Variants in TJP3 observed in about 807,000 individuals in gnomAD.
TJP3 encodes tight junction protein ZO-3.
TJP3 carries 85 observed loss-of-function variants against 104.2 expected under a neutral mutation model. The ratio of observed to expected loss-of-function variants is 0.82; its 90% CI spans 0.68 to 0.98. TJP3 has a LOEUF of 0.98. TJP3 is among the 50% of genes least tolerant of loss of function. The pLI, the probability that TJP3 is intolerant of heterozygous loss-of-function variation, is 0.00. For synonymous variants in TJP3, 550 were observed against 550.6 expected, an observed-to-expected ratio of 1.00 and a Z score of 0.02; for missense variants, 1,367 against 1,322.8, an observed-to-expected ratio of 1.03 and a Z score of -0.52.
chr19:3,714,950 C>T (rs1392980018), intron 1 of TJP3, among the ~76,000 whole-genome samples: 5 of 152,202 alleles, frequency 3.3e-5, no homozygotes, highest in Non-Finnish European at 7.3e-5. Context: ...TGACTGAATG[C>T]ACAGAAGAAT....
At chr19:3,723,698 C>T (rs1363086662) in intron 1 of TJP3, among the ~76,000 whole-genome samples, 2 of 150,788 alleles carry the variant, frequency 1.3e-5, no homozygotes, top group Admixed American at 6.7e-5. Context: ...GAGGCTGAGG[C>T]ACGAGAATTG....
intron 1 of TJP3, among the ~76,000 whole-genome samples, chr19:3,712,534 C>T (rs914065571): frequency 5.9e-5 from 9 of 152,222 alleles, no homozygotes; most frequent in African/African-American, 1.7e-4. Flanking sequence ...GGGTCAAAAC[C>T]GGGATCCCCG....
Position 3,732,109 on chromosome 19 carries a change from A to G in TJP3, c.717+71A>G, listed in dbSNP as rs2036679897. ...TTGGGGCGGGCAGTCCCACGGAGTC[A>G]TACAGCAAGGACAGCAGAACTGGGC... On this transcript the variant is annotated intron_variant, in intron 6 of 20. Coordinates refer to ENST00000541714, the MANE Select transcript of TJP3 (RefSeq NM_001267560.2). 5.3e-6 allele frequency: 7 copies of G among 1,318,684 alleles called. No homozygotes were observed. In the Admixed American group the frequency reaches 1.4e-4, roughly 26 times the overall value. The allele number at this position is 1,318,684 out of a possible 1,614,324, so 81.7% of individuals were successfully genotyped here. A position where few individuals can be genotyped will look rare whatever the true frequency, so the allele number is the denominator to read the frequency against.
rs1394314823 is a variant in TJP3 at position 3,719,023 on chromosome 19, A to C, written c.-9-9401A>C. On this transcript the variant is annotated intron_variant, in intron 1 of 20. Transcript: ENST00000541714. ...ACATGGTGAAACCCCGTCTCTACTAAAAATACAAAAATTAGCCACGCGTGG... is the reference window on the plus strand; with the variant it reads ...ACATGGTGAAACCCCGTCTCTACTACAAATACAAAAATTAGCCACGCGTGG... Among the ~76,000 whole-genome samples, 5 of 151,898 alleles carry C rather than the reference A, an allele frequency of 3.3e-5. No homozygotes were observed. In the East Asian group the frequency reaches 9.9e-4, roughly 30 times the overall value.
chr19:3,726,216 G>C (rs371731750), intron 1 of TJP3, among the ~76,000 whole-genome samples: 28 of 152,322 alleles, frequency 1.8e-4, no homozygotes, highest in African/African-American at 6.5e-4. Context: ...GGCATGGTGC[G>C]TGCTGGCAGG....
chr19:3,746,543 A>G lies in TJP3; in HGVS notation c.2069A>G (p.Gln690Arg). ...GCCATCGAGCGCCTCAACTATGTGC[A>G]GTACTACCCCATTGTGGTCTTCTTC... The part of the protein sequence containing the change: ...PSAIERLNYV[Q>R]YYPIVVFFIP... Residue 690 changes from glutamine (Q) to arginine (R), a missense_variant, in exon 17 of 21, where the codon CAG becomes CGG. By Grantham distance (43) the Gln-to-Arg change is conservative (BLOSUM62 1). Transcript: ENST00000541714. This position sits in a 1 kb window ranked among gnomAD's most constrained non-coding sequence, Gnocchi z 4.1. 1 of 1,614,062 alleles carries G rather than the reference A, an allele frequency of 6.2e-7. No homozygotes were observed. Among genetic ancestry groups the G allele is most frequent in the Non-Finnish European group, 8.5e-7 (1 of 1,180,016 alleles).
chr19:3,734,045 G>T (rs1455040425), intron 7 of TJP3, 133 bp downstream of exon 7: 11 of 1,242,692 alleles, frequency 8.9e-6, no homozygotes, highest in African/African-American at 3.0e-5. Flanking sequence ...CTTGCTGAAG[G>T]CCACACAGCA....
At chr19:3,717,489 G>A (rs886946072) in intron 1 of TJP3, among the ~76,000 whole-genome samples, 1 of 151,184 alleles carries the variant, frequency 6.6e-6, no homozygotes, top group Non-Finnish European at 1.5e-5. Flanking sequence ...AGGCTGGAGT[G>A]CAGTGGCGTG....
rs771945611 is a variant in TJP3 at position 3,737,587 on chromosome 19, CCT to C, written c.1285-967_1285-966del. Among the ~76,000 whole-genome samples, 4 of 152,122 alleles carry C rather than the reference CCT, an allele frequency of 2.6e-5. No homozygotes were observed. In the East Asian group the frequency reaches 5.8e-4, roughly 22 times the overall value. On this transcript the variant is annotated intron_variant, in intron 11 of 20. Coordinates refer to ENST00000541714, the MANE Select transcript of TJP3 (RefSeq NM_001267560.2). ...CTCATCTCATCCCCAGGCTGTCTCC[CCT>C]GTCCCTTGCGCGAGTTCACTCACCA...
At chr19:3,748,860 T>G (rs1334147523) in intron 19 of TJP3, among the ~76,000 whole-genome samples, 1 of 123,826 alleles carries the variant, frequency 8.1e-6, no homozygotes, top group Admixed American at 8.2e-5. Context: ...TTTTTTTTTT[T>G]TTTTTTTTTT....
At chr19:3,724,180 C>A (rs1440650570) in intron 1 of TJP3, among the ~76,000 whole-genome samples, 1 of 151,908 alleles carries the variant, frequency 6.6e-6, no homozygotes, top group African/African-American at 2.4e-5. Context: ...GTTCGGGGGC[C>A]CTGGTTCCCT....
Position 3,734,377 on chromosome 19 carries a change from C to A in TJP3, c.928C>A (p.Pro310Thr). ...ELSQAPPSHIPPPPRHAQRSP... is the reference protein window; with the variant it reads ...ELSQAPPSHITPPPRHAQRSP... ...ATCGCAGGCACCACCATCCCACATC[C>A]CACCACCACCCCGGCATGCTCAGCG... Residue 310 changes from proline (P) to threonine (T), a missense_variant, in exon 8 of 21, where the codon CCA becomes ACA. Physicochemically the swap from Pro to Thr is conservative, Grantham distance 38. Transcript: ENST00000541714. 2 of 1,613,518 alleles carry A rather than the reference C, an allele frequency of 1.2e-6. No homozygotes were observed. The highest frequency in any genetic ancestry group is 2.2e-5 in the South Asian group (2 of 91,052).
chr19:3,744,680 AC>A (rs2036863355), intron 15 of TJP3, among the ~76,000 whole-genome samples: 1 of 150,726 alleles, frequency 6.6e-6, no homozygotes, highest in Admixed American at 6.6e-5. Flanking sequence ...AAAAACAAAA[AC>A]AATTAAGATA....
chr19:3,748,071 A>G lies in TJP3; in HGVS notation c.2600A>G (p.Gln867Arg). The change falls in exon 19 of 21, where the codon CAG (glutamine) becomes CGG (arginine). Residue 867 changes from glutamine to arginine, a missense_variant. Gln to Arg is a conservative substitution (Grantham distance 43). Transcript: ENST00000541714. Reference protein sequence around the residue: ...PRDRGRISAHQGAQVDSRHPQ... With the variant: ...PRDRGRISAHRGAQVDSRHPQ... ...GATCGTGGGAGAATCTCGGCTCATCAGGGGGCCCAGGTGCGTCGGACATGG... is the reference window on the plus strand; with the variant it reads ...GATCGTGGGAGAATCTCGGCTCATCGGGGGGCCCAGGTGCGTCGGACATGG... 9 of 1,567,420 alleles carry G rather than the reference A, an allele frequency of 5.7e-6. No individual in the cohort carries two copies. Among genetic ancestry groups the G allele is most frequent in the Non-Finnish European group, 7.8e-6 (9 of 1,155,938 alleles).
intron 1 of TJP3, among the ~76,000 whole-genome samples, chr19:3,725,441 G>A (rs1182066185): frequency 6.6e-6 from 1 of 152,086 alleles, no homozygotes; most frequent in East Asian, 1.9e-4. Context: ...AGGTCACTCT[G>A]AGGATGAAAT....
intron 1 of TJP3, among the ~76,000 whole-genome samples, chr19:3,717,440 T>C (rs1468753731): frequency 6.7e-6 from 1 of 149,066 alleles, no homozygotes; most frequent in Non-Finnish European, 1.5e-5. Flanking sequence ...ATTTTATTTT[T>C]TTTTGAAACA....
chr19:3,720,619 G>T (rs988441170), intron 1 of TJP3, among the ~76,000 whole-genome samples: 3 of 145,812 alleles, frequency 2.1e-5, no homozygotes, highest in African/African-American at 2.5e-5. Flanking sequence ...CTGGGCGCAG[G>T]TTTTTTTTTT....
At chr19:3,748,494 T>TCCTGACC (rs1248611762) in intron 19 of TJP3, among the ~76,000 whole-genome samples, 2 of 151,458 alleles carry the variant, frequency 1.3e-5, no homozygotes, top group Admixed American at 6.6e-5. Context: ...GGTCTTGAAC[T>TCCTGACC]CCTGACCTTG....
Position 3,728,473 on chromosome 19 carries a change from T to C in TJP3, c.41T>C (p.Leu14Pro). 1 of 1,611,316 alleles carries C rather than the reference T, an allele frequency of 6.2e-7. No individual in the cohort carries two copies. Among genetic ancestry groups the C allele is most frequent in the Non-Finnish European group, 8.5e-7 (1 of 1,178,992 alleles). ...LTIWEQHTAT[L>P]SKDPRRGFGI... ...ATCTGGGAACAGCACACGGCCACAC[T>C]GTCCAAGGTGAGGCCTCCCTCTCCC... The change falls in exon 2 of 21, where the codon CTG (leucine) becomes CCG (proline). Residue 14 changes from leucine to proline, a missense_variant. By Grantham distance (98) the Leu-to-Pro change is moderately conservative. Coordinates refer to ENST00000541714, the MANE Select transcript of TJP3 (RefSeq NM_001267560.2).
Sources: gnomAD v4.1 joint callset for allele counts (sites outside exome capture counted in the v4.1 genomes callset) on GRCh38, gnomAD v4.1.1 for gene constraint, Gnocchi (gnomAD v3.1) non-coding constraint, MANE v1.5 for transcripts, NCBI Gene and HGNC (gene_info 2026-07-23, HGNC 2026-07-21) for gene names.